Variants in GRID2 observed in about 807,000 individuals in gnomAD.
The protein encoded by GRID2 is glutamate ionotropic receptor delta type subunit 2.
GRID2 carries 33 observed loss-of-function variants against 114.8 expected under a neutral mutation model. The ratio of observed to expected loss-of-function variants is 0.29; its 90% CI spans 0.22 to 0.38. The LOEUF (loss-of-function observed/expected upper bound fraction) is 0.38. GRID2 is among the 10% of genes least tolerant of loss of function. GRID2 has a pLI of 1.00. For synonymous variants in GRID2, 505 were observed against 449.9 expected (o/e 1.12, Z -1.55); for missense variants, 1,184 against 1,257.7 (o/e 0.94, Z 0.89).
At chr4:93,709,129 C>T (rs972736519) in intron 14 of GRID2, among the ~76,000 whole-genome samples, 1 of 152,066 alleles carries the variant, frequency 6.6e-6, no homozygotes, top group African/African-American at 2.4e-5. Context: ...AGTTTGTACA[C>T]CACAAATACA....
chr4:92,908,561 C>CAAAAA (rs762037449), intron 2 of GRID2, among the ~76,000 whole-genome samples: 1,100 of 35,892 alleles, frequency 0.031, 9 homozygotes, highest in East Asian at 0.088. Flanking sequence ...GACTCCATCT[C>CAAAAA]AAAAAAAAAA....
intron 8 of GRID2, among the ~76,000 whole-genome samples, chr4:93,245,025 T>C (rs1421569754): frequency 2.0e-5 from 3 of 152,108 alleles, no homozygotes; most frequent in Non-Finnish European, 4.4e-5. Context: ...GTTTATATAA[T>C]AGAGAGAATC....
chr4:92,683,063 G>A (rs1388210972), intron 2 of GRID2, among the ~76,000 whole-genome samples: 1 of 152,100 alleles, frequency 6.6e-6, no homozygotes, highest in Non-Finnish European at 1.5e-5. Flanking sequence ...ACTTTGGGAG[G>A]CCAAGGCGGG....
intron 4 of GRID2, among the ~76,000 whole-genome samples, chr4:93,149,726 T>C (rs1736573172): frequency 6.6e-6 from 1 of 152,092 alleles, no homozygotes; most frequent in Non-Finnish European, 1.5e-5. Flanking sequence ...CTTGAACTTC[T>C]AGGCTCAAAT....
At chr4:92,768,864 T>A (rs1738395368) in intron 2 of GRID2, among the ~76,000 whole-genome samples, 1 of 152,144 alleles carries the variant, frequency 6.6e-6, no homozygotes, top group Admixed American at 6.5e-5. Flanking sequence ...ACATGGGAAT[T>A]GTGGGAGTTA....
At chr4:92,497,318 G>T (rs1320851658) in intron 1 of GRID2, among the ~76,000 whole-genome samples, 1 of 151,884 alleles carries the variant, frequency 6.6e-6, no homozygotes, top group Admixed American at 6.6e-5. Flanking sequence ...AATCTTTTCA[G>T]ACTAGGATAA....
intron 12 of GRID2, among the ~76,000 whole-genome samples, chr4:93,507,714 A>G (rs1728763102): frequency 6.6e-6 from 1 of 152,192 alleles, no homozygotes; most frequent in East Asian, 1.9e-4. Flanking sequence ...TTCAAGAGCA[A>G]ATATTCTACT....
chr4:92,850,187 TATAG>T (rs1743667292), intron 2 of GRID2, among the ~76,000 whole-genome samples: 1 of 151,378 alleles, frequency 6.6e-6, no homozygotes. Flanking sequence ...TTGATATGTT[TATAG>T]ATAAATACAA....
intron 1 of GRID2, among the ~76,000 whole-genome samples, chr4:92,414,342 G>A (rs1731486709): frequency 6.6e-6 from 1 of 152,216 alleles, no homozygotes; most frequent in South Asian, 2.1e-4. Context: ...ACACAAATCT[G>A]CAAAACTTTC....
intron 14 of GRID2, among the ~76,000 whole-genome samples, chr4:93,759,315 A>G (rs1338818877): frequency 6.6e-6 from 1 of 152,204 alleles, no homozygotes; most frequent in Non-Finnish European, 1.5e-5. Flanking sequence ...AGAGAGATCA[A>G]TTTGAATGGG....
chr4:93,489,781 A>G (rs1726797201), intron 11 of GRID2, among the ~76,000 whole-genome samples: 1 of 151,926 alleles, frequency 6.6e-6, no homozygotes, highest in Non-Finnish European at 1.5e-5. Context: ...ATTCCCTGAC[A>G]TGGTGTGGAC....
chr4:92,763,587 A>G (rs1286268901), intron 2 of GRID2, among the ~76,000 whole-genome samples: 1 of 152,238 alleles, frequency 6.6e-6, no homozygotes, highest in Non-Finnish European at 1.5e-5. Context: ...TTATATGCAA[A>G]TACTATGATA....
chr4:93,586,052 C>A (rs1330318459), intron 13 of GRID2, among the ~76,000 whole-genome samples: 1 of 152,110 alleles, frequency 6.6e-6, no homozygotes, highest in Admixed American at 6.6e-5. Context: ...ATGGCTCCAG[C>A]AGAGATTCTA....
At chr4:93,792,768 A>C (rs574284514) in intron 1 of GRID2, among the ~76,000 whole-genome samples, 12 of 152,340 alleles carry the variant, frequency 7.9e-5, no homozygotes, top group Middle Eastern at 3.4e-3. Flanking sequence ...TAGAGTCTAT[A>C]CAACAAGGGC....
intron 2 of GRID2, among the ~76,000 whole-genome samples, chr4:92,832,967 T>C (rs1471517815): frequency 2.0e-5 from 3 of 152,172 alleles, no homozygotes; most frequent in African/African-American, 7.2e-5. Flanking sequence ...AAACTGACTT[T>C]AAAAGGTATA....
intron 2 of GRID2, among the ~76,000 whole-genome samples, chr4:92,968,249 A>G (rs959552779): frequency 6.6e-6 from 1 of 151,946 alleles, no homozygotes; most frequent in Non-Finnish European, 1.5e-5. Flanking sequence ...TCTCCATTTT[A>G]CAGATTAACA....
intron 1 of GRID2, among the ~76,000 whole-genome samples, chr4:93,783,990 T>C (rs1447296873): frequency 1.5e-5 from 2 of 133,626 alleles, no homozygotes; most frequent in African/African-American, 5.7e-5. Flanking sequence ...GAGAATGGCG[T>C]GAACCCGGGA....
At chr4:93,596,533 G>A (rs571155672) in intron 13 of GRID2, among the ~76,000 whole-genome samples, 9 of 152,010 alleles carry the variant, frequency 5.9e-5, no homozygotes, top group South Asian at 2.1e-4. Flanking sequence ...AGCCGAGATC[G>A]CGTCACTGCA....
chr4:93,549,029 T>G (rs192751685), intron 13 of GRID2, among the ~76,000 whole-genome samples: 37 of 152,306 alleles, frequency 2.4e-4, no homozygotes, highest in Admixed American at 5.9e-4. Flanking sequence ...CCCTTGAAAT[T>G]CATTTGAACT....
Sources: allele counts gnomAD v4.1 joint callset (sites outside exome capture counted in the v4.1 genomes callset), GRCh38; gene constraint gnomAD v4.1.1; transcripts MANE v1.5; gene names NCBI Gene and HGNC (gene_info 2026-07-23, HGNC 2026-07-21).